TM2D1: variants seen among roughly 807,000 people sequenced by gnomAD.
TM2D1 encodes TM2 domain containing 1, also known as TM2 domain-containing protein 1.
Under a neutral mutation model 28.4 loss-of-function variants are expected in TM2D1, and 15 were observed. That is an observed-to-expected ratio of 0.53 (90% CI 0.35 to 0.81). TM2D1 has a LOEUF of 0.81. TM2D1 is among the 40% of genes least tolerant of loss of function. The pLI, the probability that TM2D1 is intolerant of heterozygous loss-of-function variation, is 0.01. For missense variants in TM2D1, 236 were observed against 254.9 expected (o/e 0.93, Z 0.50); for synonymous variants, 93 against 96.2 (o/e 0.97, Z 0.20).
chr1:61,703,239 TTA>T (rs1455999116), intron 3 of TM2D1, among the ~76,000 whole-genome samples: 1 of 148,362 alleles, frequency 6.7e-6, no homozygotes, highest in Non-Finnish European at 1.5e-5. Context: ...TTTATATATA[TTA>T]TATATGATCT....
At chr1:61,702,139 A>C (rs552143913) in intron 3 of TM2D1, among the ~76,000 whole-genome samples, 1 of 151,932 alleles carries the variant, frequency 6.6e-6, no homozygotes, top group East Asian at 1.9e-4. Flanking sequence ...GCAGTAAGCC[A>C]AGATTGCACC....
At chr1:61,691,938 T>TA (rs1644330220) in intron 5 of TM2D1, among the ~76,000 whole-genome samples, 2 of 86,650 alleles carry the variant, frequency 2.3e-5, no homozygotes, top group Non-Finnish European at 4.3e-5. Flanking sequence ...AAAAAATATA[T>TA]ATATATATAT....
At chr1:61,705,669 G>C (rs926182577) in intron 3 of TM2D1, among the ~76,000 whole-genome samples, 8 of 152,122 alleles carry the variant, frequency 5.3e-5, no homozygotes, top group African/African-American at 1.9e-4. Context: ...TGCTGCCTTA[G>C]TGGAAAGGAC....
intron 3 of TM2D1, among the ~76,000 whole-genome samples, chr1:61,703,504 C>T (rs928350507): frequency 3.4e-5 from 5 of 146,302 alleles, no homozygotes; most frequent in African/African-American, 5.0e-5. Flanking sequence ...CCTCCACCTT[C>T]CGGGTTCAAG....
chr1:61,682,917 G>C (rs914326114), intron 6 of TM2D1, among the ~76,000 whole-genome samples: 4 of 146,604 alleles, frequency 2.7e-5, no homozygotes, highest in Non-Finnish European at 3.0e-5. Context: ...AAAAGAAAAA[G>C]AAAAAGATAA....
At position 61,683,441 on chromosome 1, in the gene TM2D1, G is replaced by T; in HGVS notation, c.619C>A (p.Pro207Thr). 2 of 1,313,728 alleles carry T rather than the reference G, an allele frequency of 1.5e-6. No individual in the cohort carries two copies. 81.4% of individuals were successfully genotyped at this position (1,313,728 alleles called of 1,614,324 possible). A position where few individuals can be genotyped will look rare whatever the true frequency, so the allele number is the denominator to read the frequency against. ...NETFRKTQLY[P>T] ...CTGTTTCTTTTAAAAAATATTTATG[G>T]ATATAATTGCGTTTTTCTAAATGTT... The change falls in exon 6 of 7, where the codon CCA (proline) becomes ACA (threonine). Residue 207 changes from proline (P) to threonine (T), a missense_variant. Physicochemically the swap from Pro to Thr is conservative, Grantham distance 38. This residue lies in a region of TM2D1 where 64 missense variants were observed against 73.1 expected (regional missense o/e 0.88). Transcript: ENST00000606498.
intron 2 of TM2D1, among the ~76,000 whole-genome samples, chr1:61,709,892 T>G (rs985093412): frequency 6.6e-6 from 1 of 152,228 alleles, no homozygotes; most frequent in Admixed American, 6.5e-5. Flanking sequence ...TTGCCATAAA[T>G]TATTTTCATT....
At chr1:61,697,156 T>C (rs1334321318) in intron 4 of TM2D1, among the ~76,000 whole-genome samples, 2 of 152,164 alleles carry the variant, frequency 1.3e-5, no homozygotes, top group Non-Finnish European at 2.9e-5. Flanking sequence ...AAAATCATCC[T>C]TTGCCTTAAA....
chr1:61,700,917 T>A lies in TM2D1; in HGVS notation c.439+17A>T. On this transcript the variant is annotated intron_variant, in intron 4 of 6. Transcript: ENST00000606498. Reference sequence around the variant, plus strand: ...TATAGGTTTCATAAGGATTTTTTTTTAATGAAACATACGCACCCAAAGCAG... The same window carrying A: ...TATAGGTTTCATAAGGATTTTTTTTAAATGAAACATACGCACCCAAAGCAG... 1 of 1,580,174 alleles carries A rather than the reference T, an allele frequency of 6.3e-7. No homozygotes were observed. The highest frequency in any genetic ancestry group is 1.2e-5 in the South Asian group (1 of 85,564).
chr1:61,699,954 T>A (rs1644390057), intron 4 of TM2D1: 1 of 482,666 alleles, frequency 2.1e-6, no homozygotes, highest in African/African-American at 2.0e-5. Context: ...GACTTCTCTT[T>A]CATCTTTTGT....
At chr1:61,721,400 G>T (rs12085668) in intron 2 of TM2D1, among the ~76,000 whole-genome samples, 1 of 151,954 alleles carries the variant, frequency 6.6e-6, no homozygotes, top group Non-Finnish European at 1.5e-5. Flanking sequence ...AGATTAGCTG[G>T]GCATGGTGGT....
chr1:61,724,968 G>C lies in TM2D1; in HGVS notation c.153C>G (p.Leu51=). The C allele has an allele frequency of 6.2e-7, 1 of 1,601,092 alleles. No homozygotes were observed. Among genetic ancestry groups the C allele is most frequent in the South Asian group, 1.1e-5 (1 of 90,694 alleles). Residue 51 remains leucine, a synonymous_variant, in exon 1 of 7, where the codon CTC becomes CTG. Transcript: ENST00000606498. ...TCCACAGAGGATATTGTCCCACTTT[G>C]AGGTCCTCGCACTTAAGCGACTCCT... is the stretch of plus-strand genomic sequence containing the variant. ...GGEESLKCED[L]KVGQYICKDP...
At chr1:61,721,185 G>A (rs1644561243) in intron 2 of TM2D1, among the ~76,000 whole-genome samples, 3 of 151,804 alleles carry the variant, frequency 2.0e-5, no homozygotes, top group African/African-American at 4.8e-5. Flanking sequence ...GAGCTAAGAC[G>A]GTGCCACTGC....
intron 4 of TM2D1, among the ~76,000 whole-genome samples, chr1:61,695,009 G>C (rs1046516478): frequency 6.6e-6 from 1 of 151,664 alleles, no homozygotes; most frequent in African/African-American, 2.4e-5. Context: ...ATTAGTAACT[G>C]AAAAAAACCT....
intron 3 of TM2D1, among the ~76,000 whole-genome samples, chr1:61,707,685 T>C (rs140794897): frequency 2.0e-5 from 3 of 152,308 alleles, no homozygotes; most frequent in African/African-American, 7.2e-5. Flanking sequence ...GTGGTAGGCT[T>C]AGGATTATAC....
intron 3 of TM2D1, among the ~76,000 whole-genome samples, chr1:61,702,963 G>A (rs956267828): frequency 6.6e-5 from 10 of 151,028 alleles, no homozygotes; most frequent in South Asian, 4.2e-4. Flanking sequence ...AAAATTAGCC[G>A]GGCGTGGTGG....
intron 2 of TM2D1, among the ~76,000 whole-genome samples, chr1:61,710,050 C>T (rs1280897488): frequency 1.3e-5 from 2 of 152,158 alleles, no homozygotes; most frequent in African/African-American, 4.8e-5. Flanking sequence ...GCCTTAACAG[C>T]TTTATAACCT....
intron 6 of TM2D1, among the ~76,000 whole-genome samples, chr1:61,681,887 G>A (rs564847874): frequency 3.2e-4 from 48 of 152,264 alleles, no homozygotes; most frequent in African/African-American, 7.9e-4. Context: ...AATTAGTTGC[G>A]TATCTTACTC....
intron 4 of TM2D1, chr1:61,698,026 G>GT (rs1644376380): frequency 1.3e-5 from 2 of 152,144 alleles, no homozygotes; most frequent in South Asian, 4.1e-4. Flanking sequence ...TGTTATGGGT[G>GT]TTATTACATT....
Sources: allele counts gnomAD v4.1 joint callset (sites outside exome capture counted in the v4.1 genomes callset), GRCh38; gene constraint gnomAD v4.1.1; regional missense constraint gnomAD v4.1.1; transcripts MANE v1.5; gene names NCBI Gene and HGNC (gene_info 2026-07-23, HGNC 2026-07-21).